Variants in EPHA3 observed in about 807,000 individuals in gnomAD.
EPHA3 encodes ephrin type-A receptor 3.
EPHA3 carries 42 observed loss-of-function variants against 107.1 expected under a neutral mutation model. The ratio of observed to expected loss-of-function variants is 0.39; its 90% CI spans 0.31 to 0.51. The LOEUF is 0.51. Ranked by LOEUF, EPHA3 falls within the 20% of genes least tolerant of loss-of-function variation. The pLI is 0.78. For synonymous variants in EPHA3, 461 were observed against 424.8 expected (o/e 1.09, Z -1.05); for missense variants, 1,183 against 1,211.2 (o/e 0.98, Z 0.35).
At chr3:89,330,688 G>A (rs1221467406) in intron 3 of EPHA3, among the ~76,000 whole-genome samples, 1 of 152,014 alleles carries the variant, frequency 6.6e-6, no homozygotes, top group African/African-American at 2.4e-5. Context: ...TTTGCAGAGT[G>A]GATAATCAAC....
chr3:89,319,150 A>G (rs1308008304), intron 3 of EPHA3, among the ~76,000 whole-genome samples: 3 of 151,934 alleles, frequency 2.0e-5, no homozygotes, highest in African/African-American at 7.2e-5. Context: ...TCTGGTCTAA[A>G]TGCCATTTTC....
intron 2 of EPHA3, 80 bp downstream of exon 2, chr3:89,127,353 A>G: frequency 4.5e-6 from 5 of 1,108,062 alleles, no homozygotes; most frequent in Non-Finnish European, 6.8e-6. Context: ...TGTATTCTCT[A>G]AAGAGAACTC....
intron 3 of EPHA3, among the ~76,000 whole-genome samples, chr3:89,256,032 T>TC: frequency 6.6e-6 from 1 of 151,982 alleles, no homozygotes; most frequent in East Asian, 2.0e-4. Context: ...TCGAGACCAG[T>TC]CTGTCCAAGG....
intron 2 of EPHA3, among the ~76,000 whole-genome samples, chr3:89,203,938 G>A (rs575463719): frequency 1.3e-5 from 2 of 152,236 alleles, no homozygotes; most frequent in South Asian, 2.1e-4. Flanking sequence ...GCCCAGCTGC[G>A]AGGTTGCTGG....
At chr3:89,351,392 G>T (rs564640215) in intron 5 of EPHA3, among the ~76,000 whole-genome samples, 2 of 150,716 alleles carry the variant, frequency 1.3e-5, no homozygotes, top group Admixed American at 1.3e-4. Flanking sequence ...AGGTGCGTCC[G>T]TCACCCCTTT....
At chr3:89,338,618 G>A (rs1339506575) in intron 3 of EPHA3, among the ~76,000 whole-genome samples, 3 of 152,132 alleles carry the variant, frequency 2.0e-5, no homozygotes, top group Non-Finnish European at 4.4e-5. Context: ...GCGCTATCTG[G>A]GCTCACTGCA....
intron 5 of EPHA3, among the ~76,000 whole-genome samples, chr3:89,356,452 A>G (rs1338577718): frequency 6.6e-6 from 1 of 151,210 alleles, no homozygotes; most frequent in East Asian, 1.9e-4. Flanking sequence ...TCCCACCAAC[A>G]GTGTAAAAGT....
intron 2 of EPHA3, among the ~76,000 whole-genome samples, chr3:89,163,557 T>G (rs1280159662): frequency 6.6e-6 from 1 of 151,598 alleles, no homozygotes; most frequent in Admixed American, 6.6e-5. Flanking sequence ...AGATGTTTTG[T>G]GAGTTCCCTT....
intron 3 of EPHA3, among the ~76,000 whole-genome samples, chr3:89,327,798 G>A (rs1480547125): frequency 6.6e-6 from 1 of 151,862 alleles, no homozygotes; most frequent in Non-Finnish European, 1.5e-5. Context: ...CGGACACATA[G>A]TAGGGCGTTA....
chr3:89,407,377 T>A lies in EPHA3; in HGVS notation c.1697+6T>A. ...ATCTATGTTTTGATTGGGAGGTGAG[T>A]TCACAGTCTGTTTCACTATTCACTT... is the stretch of plus-strand genomic sequence containing the variant. On this transcript the variant is annotated splice_donor_region_variant and intron_variant, in intron 8 of 16. Transcript: ENST00000336596. 6.2e-7 allele frequency: 1 copy of A among 1,608,580 alleles called. No individual in the cohort carries two copies. The highest frequency in any genetic ancestry group is 8.5e-7 in the Non-Finnish European group (1 of 1,175,354).
Position 89,219,033 on chromosome 3 carries a change from G to A in EPHA3, c.814+8513G>A, listed in dbSNP as rs115873305. 5.1e-3 allele frequency among the ~76,000 whole-genome samples: 774 copies of A among 152,256 alleles called. 10 individuals carry two copies. The highest frequency in any genetic ancestry group is 0.014 in the African/African-American group (571 of 41,540). On this transcript the variant is annotated intron_variant, in intron 3 of 16. Coordinates refer to ENST00000336596, the MANE Select transcript of EPHA3 (RefSeq NM_005233.6). ...TATTCATAAGGAAAAACATGGTCTGGTAAGCATGAAAGACAAATGTTGTTT... is the reference window on the plus strand; with the variant it reads ...TATTCATAAGGAAAAACATGGTCTGATAAGCATGAAAGACAAATGTTGTTT...
chr3:89,241,578 G>C (rs190955601), intron 3 of EPHA3, among the ~76,000 whole-genome samples: 1 of 151,862 alleles, frequency 6.6e-6, no homozygotes, highest in African/African-American at 2.4e-5. Context: ...TTTGTGACAG[G>C]CATTGTTCAT....
At chr3:89,113,278 G>A (rs1021873843) in intron 1 of EPHA3, among the ~76,000 whole-genome samples, 4 of 151,908 alleles carry the variant, frequency 2.6e-5, no homozygotes, top group African/African-American at 7.3e-5. Context: ...AAAATGCAAA[G>A]TCTTCCAAGT....
chr3:89,388,337 C>T (rs1708663158), intron 5 of EPHA3, among the ~76,000 whole-genome samples: 1 of 152,082 alleles, frequency 6.6e-6, no homozygotes, highest in South Asian at 2.1e-4. Context: ...AGTGGGAAGA[C>T]ATACTGTAAG....
At chr3:89,344,438 C>T (rs1342936587) in intron 5 of EPHA3, among the ~76,000 whole-genome samples, 1 of 152,128 alleles carries the variant, frequency 6.6e-6, no homozygotes, top group South Asian at 2.1e-4. Context: ...CACCACCAGG[C>T]ATTTTATATA....
At chr3:89,247,766 T>C (rs1438897191) in intron 3 of EPHA3, among the ~76,000 whole-genome samples, 3 of 151,948 alleles carry the variant, frequency 2.0e-5, no homozygotes, top group Non-Finnish European at 2.9e-5. Context: ...GAAATTTGAG[T>C]CTAAATTTTA....
intron 2 of EPHA3, among the ~76,000 whole-genome samples, chr3:89,150,680 T>C (rs1234094988): frequency 1.3e-5 from 2 of 152,248 alleles, no homozygotes; most frequent in East Asian, 1.9e-4. Context: ...TTGAATCTTA[T>C]GTGTATTCAG....
intron 15 of EPHA3, among the ~76,000 whole-genome samples, chr3:89,460,823 C>CTTTTT (rs753656853): frequency 7.8e-5 from 8 of 103,016 alleles, no homozygotes; most frequent in African/African-American, 2.6e-4. Context: ...CTCTGTCTCT[C>CTTTTT]TTTTTTTTTT....
At chr3:89,214,916 C>T (rs779122112) in intron 3 of EPHA3, among the ~76,000 whole-genome samples, 17 of 151,840 alleles carry the variant, frequency 1.1e-4, no homozygotes, top group Non-Finnish European at 2.5e-4. Flanking sequence ...AATTAAAATG[C>T]TACATCTCAA....
Sources: allele counts gnomAD v4.1 joint callset (sites outside exome capture counted in the v4.1 genomes callset), GRCh38; gene constraint gnomAD v4.1.1; transcripts MANE v1.5; gene names NCBI Gene and HGNC (gene_info 2026-07-23, HGNC 2026-07-21).